Variants in MAP4K2 observed in about 807,000 individuals in gnomAD.
The protein encoded by MAP4K2 is B lymphocyte serine/threonine protein kinase.
Under a neutral mutation model 125.3 loss-of-function variants are expected in MAP4K2, and 85 were observed. The observed-to-expected ratio is 0.68, with a 90% CI of 0.57 to 0.81. The LOEUF (loss-of-function observed/expected upper bound fraction) is 0.81. MAP4K2 is among the 40% of genes least tolerant of loss of function. MAP4K2 has a pLI of 0.00. For missense variants in MAP4K2, 923 were observed against 1,056.4 expected (o/e 0.87, Z 1.75); for synonymous variants, 479 against 445.1 (o/e 1.08, Z -0.96).
At chr11:64,802,968 A>G (rs1177223339) in intron 1 of MAP4K2, 26 bp from the exon 2 acceptor site, 5 of 1,373,598 alleles carry the variant, frequency 3.6e-6, no homozygotes, top group South Asian at 1.2e-5. Context: ...GTGAAGCGGG[A>G]TGGGGGGCGG....
chr11:64,797,180 G>C lies in MAP4K2; in HGVS notation c.1289C>G (p.Pro430Arg), dbSNP rs1445203722. The part of the protein sequence containing the change: ...PLSSPPGTLP[P>R]PPSGPNSSPL... ...GGAGCTGTTGGGGCCTGAAGGAGGT[G>C]GGGGCAGGGTTCCTGCAGGCACAGG... The change falls in exon 19 of 32, where the codon CCA (proline) becomes CGA (arginine). Residue 430 changes from proline (P) to arginine (R), a missense_variant. By Grantham distance (103) the Pro-to-Arg change is moderately radical (BLOSUM62 -2). This residue lies in a region of MAP4K2 where 833 missense variants were observed against 911.4 expected (regional missense o/e 0.91). Transcript: ENST00000294066. 6.2e-7 allele frequency: 1 copy of C among 1,613,692 alleles called. No homozygotes were observed. Among genetic ancestry groups the C allele is most frequent in the Non-Finnish European group, 8.5e-7 (1 of 1,179,860 alleles).
At chr11:64,792,127 C>T in intron 26 of MAP4K2, 41 bp from the exon 27 acceptor site, 1 of 1,583,156 alleles carries the variant, frequency 6.3e-7, no homozygotes, top group Non-Finnish European at 8.6e-7. Flanking sequence ...ATTTCTCCCC[C>T]CAGAGCTCTG....
chr11:64,797,994 A>C (rs1592596769), intron 15 of MAP4K2, among the ~76,000 whole-genome samples: 8 of 117,098 alleles, frequency 6.8e-5, no homozygotes, highest in Non-Finnish European at 5.4e-5. Flanking sequence ...CATGAGCCAC[A>C]CCCGGGCTTT....
chr11:64,789,987 T>C, intron 29 of MAP4K2, 28 bp from the exon 30 acceptor site: 1 of 1,611,176 alleles, frequency 6.2e-7, no homozygotes, highest in South Asian at 1.1e-5. Context: ...CCATCAGCCC[T>C]GCACCCATCT....
chr11:64,792,318 T>C, intron 25 of MAP4K2, 43 bp from the exon 26 acceptor site: 1 of 1,579,736 alleles, frequency 6.3e-7, no homozygotes, highest in Non-Finnish European at 8.6e-7. Flanking sequence ...GGGCCTGCGC[T>C]GCCCCCCACC....
chr11:64,799,365 C>A, intron 14 of MAP4K2, 56 bp downstream of exon 14: 1 of 1,596,094 alleles, frequency 6.3e-7, no homozygotes, highest in Non-Finnish European at 8.5e-7. Flanking sequence ...GGCCTCCATC[C>A]GACCTCCCTG....
In MAP4K2 at chr11:64,796,697, T is replaced by G. The variant is rs756696294; in HGVS notation, c.1509A>C (p.Val503=). The change falls in exon 22 of 32, where the codon GTA becomes GTC. Residue 503 remains valine, a synonymous_variant. Coordinates refer to ENST00000294066, the MANE Select transcript of MAP4K2 (RefSeq NM_004579.5). ...GTGTGTAGATGCCTTCCTCGGCCCC[T>G]ACCACCAGGAACTGGTCTGCCAGTT... The part of the protein sequence containing the change: ...HPVTRDQFLV[V]GAEEGIYTLN... The G allele has an allele frequency of 6.2e-7, 1 of 1,613,808 alleles. No individual in the cohort carries two copies. Among genetic ancestry groups the G allele is most frequent in the South Asian group, 1.1e-5 (1 of 91,066 alleles).
rs1941268411 is a variant in MAP4K2 at position 64,802,484 on chromosome 11, C to T, written c.246-1G>A. 6.5e-7 allele frequency: 1 copy of T among 1,532,558 alleles called. No homozygotes were observed. The highest frequency in any genetic ancestry group is 2.3e-5 in the East Asian group (1 of 43,398). 94.9% of individuals were successfully genotyped at this position (1,532,558 alleles called of 1,614,324 possible). A position where few individuals can be genotyped will look rare whatever the true frequency, so the allele number is the denominator to read the frequency against. On this transcript the variant is annotated splice_acceptor_variant, in intron 3 of 31. Coordinates refer to ENST00000294066, the MANE Select transcript of MAP4K2 (RefSeq NM_004579.5). LOFTEE classifies it high-confidence loss of function. ...CATGCAGATCCACAAGCGGTCATTC[C>T]TAGGGACAAAGAGCTGGGGTGGGCA...
At position 64,801,956 on chromosome 11, in the gene MAP4K2, T is replaced by C. The variant is rs2136055307; in HGVS notation, c.366+110A>G. 3 of 1,260,850 alleles carry C rather than the reference T, an allele frequency of 2.4e-6. No individual in the cohort carries two copies. In the South Asian group the frequency reaches 4.2e-5, roughly 18 times the overall value. The allele number at this position is 1,260,850 out of a possible 1,614,324, so 78.1% of individuals were successfully genotyped here. A position where few individuals can be genotyped will look rare whatever the true frequency, so the allele number is the denominator to read the frequency against. ...CCTTTTCCCCAGGACCTACAGCCCC[T>C]CGGGCCAGCCCCACCCGAGGCACTC... On this transcript the variant is annotated intron_variant, in intron 5 of 31. Coordinates refer to ENST00000294066, the MANE Select transcript of MAP4K2 (RefSeq NM_004579.5).
chr11:64,791,877 C>T (rs998370868), intron 27 of MAP4K2, 32 bp downstream of exon 27: 28 of 1,514,514 alleles, frequency 1.8e-5, no homozygotes, highest in Non-Finnish European at 2.3e-5. Flanking sequence ...TGCACACACA[C>T]CCACCCCCAG....
chr11:64,789,499 G>T lies in MAP4K2; in HGVS notation c.*38C>A. ...CCAAAAGGGCCTGCAGCTAAGGCGT[G>T]GGGTGGGGCGGGGAGCCCCTGGACA... On this transcript the variant is annotated 3_prime_UTR_variant, in exon 32 of 32. Coordinates refer to ENST00000294066, the MANE Select transcript of MAP4K2 (RefSeq NM_004579.5). 1 of 1,539,478 alleles carries T rather than the reference G, an allele frequency of 6.5e-7. No individual in the cohort carries two copies. Among genetic ancestry groups the T allele is most frequent in the South Asian group, 1.2e-5 (1 of 83,976 alleles).
chr11:64,800,265 C>T, intron 11 of MAP4K2, 46 bp downstream of exon 11: 1 of 1,612,954 alleles, frequency 6.2e-7, no homozygotes, highest in Non-Finnish European at 8.5e-7. Context: ...GATCCAGGGC[C>T]CTGCTTTTGA....
At position 64,790,414 on chromosome 11, in the gene MAP4K2, GTGTCCCTGTCCACCT is replaced by G. The variant is rs1940409184; in HGVS notation, c.2126_2140del (p.Gln709_Thr714delinsPro). On this transcript the variant is annotated inframe_deletion, in exon 28 of 32. Coordinates refer to ENST00000294066, the MANE Select transcript of MAP4K2 (RefSeq NM_004579.5). ...CTCACGTTCAAAGCTGACTAGGATT[GTGTCCCTGTCCACCT>G]GGATCACCTGCTGGGCCGAGCCTGG... The G allele has an allele frequency of 6.2e-7, 1 of 1,614,154 alleles. No individual in the cohort carries two copies. Among genetic ancestry groups the G allele is most frequent in the Non-Finnish European group, 8.5e-7 (1 of 1,180,028 alleles).
intron 31 of MAP4K2, 43 bp downstream of exon 31, chr11:64,789,687 C>T: frequency 6.2e-7 from 1 of 1,613,226 alleles, no homozygotes; most frequent in Non-Finnish European, 8.5e-7. Context: ...CCTTCTCTGG[C>T]CTCAGGGGCA....
In MAP4K2 at chr11:64,802,561, A is replaced by G. The variant is rs748123673; in HGVS notation, c.245+2T>C. 1.4e-5 allele frequency: 23 copies of G among 1,605,096 alleles called. No individual in the cohort carries two copies. The highest frequency in any genetic ancestry group is 1.6e-5 in the Non-Finnish European group (19 of 1,175,896). ...GGGGCCAGGAGGATAAGGCAGCCTC[A>G]CCTGAGGTAGCTGCCAATGTAGGCC... is the stretch of plus-strand genomic sequence containing the variant. On this transcript the variant is annotated splice_donor_variant, in intron 3 of 31. Transcript: ENST00000294066. LOFTEE classifies it high-confidence loss of function.
At chr11:64,801,815 A>C in intron 5 of MAP4K2, 58 bp from the exon 6 acceptor site, 1 of 1,574,190 alleles carries the variant, frequency 6.4e-7, no homozygotes, top group Non-Finnish European at 8.7e-7. Context: ...ACCTCCCCAA[A>C]CCCCCTCTCA....
chr11:64,799,374 T>A (rs755197639), intron 14 of MAP4K2, 47 bp downstream of exon 14: 2 of 1,604,578 alleles, frequency 1.2e-6, no homozygotes, highest in East Asian at 4.5e-5. Flanking sequence ...CCGACCTCCC[T>A]GCCCCACCTC....
rs1369449457 is a variant in MAP4K2, at chr11:64,802,693, T to A, written c.155-40A>T. 1.9e-6 allele frequency: 3 copies of A among 1,588,632 alleles called. No individual in the cohort carries two copies. In the African/African-American group the frequency reaches 4.0e-5, roughly 21 times the overall value. ...GCATCATGGGGAAGGCGCGCTGGGG[T>A]TGCCCTGACTCAGTGCCCCCATCTG... On this transcript the variant is annotated intron_variant, in intron 2 of 31. Coordinates refer to ENST00000294066, the MANE Select transcript of MAP4K2 (RefSeq NM_004579.5).
Position 64,789,211 on chromosome 11 carries a change from G to A in MAP4K2, c.*326C>T, listed in dbSNP as rs1940328380. ...TTTCCCAGGACAAATGCAGGGGCAG[G>A]CTCTTGGCAGAAAGAGTAGAAAGGA... On this transcript the variant is annotated 3_prime_UTR_variant, in exon 32 of 32. Transcript: ENST00000294066. The A allele has an allele frequency of 2.5e-6, 1 of 402,314 alleles. No individual in the cohort carries two copies. The highest frequency in any genetic ancestry group is 4.6e-6 in the Non-Finnish European group (1 of 216,640). 24.9% of individuals were successfully genotyped at this position (402,314 alleles called of 1,614,324 possible). A position where few individuals can be genotyped will look rare whatever the true frequency, so the allele number is the denominator to read the frequency against.
Sources: gnomAD v4.1 joint callset for allele counts (sites outside exome capture counted in the v4.1 genomes callset) on GRCh38, gnomAD v4.1.1 for gene constraint, gnomAD v4.1.1 regional missense constraint, MANE v1.5 for transcripts, NCBI Gene and HGNC (gene_info 2026-07-23, HGNC 2026-07-21) for gene names.